The following BTRC variants were observed in gnomAD, a reference collection of about 807,000 sequenced individuals.
BTRC encodes F-box/WD repeat-containing protein 1A.
In BTRC, 42 loss-of-function variants were observed where a neutral mutation model predicts 85.5. The observed-to-expected ratio is 0.49, with a 90% CI of 0.38 to 0.64. The LOEUF (loss-of-function observed/expected upper bound fraction) is 0.64. Ranked by LOEUF, BTRC falls within the 30% of genes least tolerant of loss-of-function variation. BTRC has a pLI of 0.00. For synonymous variants in BTRC, 255 were observed against 263.3 expected, an observed-to-expected ratio of 0.97 and a Z score of 0.30; for missense variants, 594 against 743.5, an observed-to-expected ratio of 0.80 and a Z score of 2.34.
intron 1 of BTRC, among the ~76,000 whole-genome samples, chr10:101,360,593 ACTC>A (rs1302567946): frequency 6.7e-6 from 1 of 149,002 alleles, no homozygotes; most frequent in Non-Finnish European, 1.5e-5. Context: ...CTATTCTTGA[ACTC>A]CTGACCTCAG....
intron 1 of BTRC, among the ~76,000 whole-genome samples, chr10:101,385,087 G>A (rs1039319208): frequency 6.6e-6 from 1 of 151,912 alleles, no homozygotes; most frequent in African/African-American, 2.4e-5. Context: ...AACAAAATTA[G>A]CGTGGCATGG....
intron 4 of BTRC, among the ~76,000 whole-genome samples, chr10:101,509,520 C>T (rs1260712415): frequency 2.7e-5 from 4 of 148,468 alleles, no homozygotes; most frequent in African/African-American, 9.9e-5. Context: ...TCCCAAAGTG[C>T]TGGGATTACA....
intron 7 of BTRC, among the ~76,000 whole-genome samples, chr10:101,531,616 G>T (rs1332837259): frequency 1.3e-5 from 2 of 152,100 alleles, no homozygotes; most frequent in East Asian, 3.9e-4. Context: ...AGCTACTCAG[G>T]AGGCTGAGAT....
intron 4 of BTRC, among the ~76,000 whole-genome samples, chr10:101,503,979 G>A (rs1946454565): frequency 6.6e-6 from 1 of 152,142 alleles, no homozygotes; most frequent in South Asian, 2.1e-4. Flanking sequence ...TGTTTTACAT[G>A]TGCCTCTGTG....
intron 3 of BTRC, among the ~76,000 whole-genome samples, chr10:101,478,484 T>C (rs1462808748): frequency 6.6e-6 from 1 of 151,930 alleles, no homozygotes; most frequent in Non-Finnish European, 1.5e-5. Context: ...TTTTTTCATT[T>C]ATTGTTCTGA....
intron 4 of BTRC, among the ~76,000 whole-genome samples, chr10:101,486,652 T>C (rs1387345762): frequency 6.6e-6 from 1 of 152,200 alleles, no homozygotes; most frequent in African/African-American, 2.4e-5. Flanking sequence ...TACCTTCATC[T>C]CCAGCCCCCT....
intron 3 of BTRC, among the ~76,000 whole-genome samples, chr10:101,467,622 G>T (rs1431517369): frequency 6.6e-6 from 1 of 151,826 alleles, no homozygotes; most frequent in Non-Finnish European, 1.5e-5. Context: ...TGTGTGGTTG[G>T]TTGTTGTTGG....
intron 1 of BTRC, among the ~76,000 whole-genome samples, chr10:101,387,528 CTTTTTTTTTTTT>C (rs535656002): frequency 6.7e-5 from 3 of 45,092 alleles, no homozygotes; most frequent in South Asian, 1.2e-3. Flanking sequence ...CTTCATGGGA[CTTTTTTTTTTTT>C]TTTTTTGAGA....
rs114766664 is a variant in BTRC, at chr10:101,544,851, A to G, written c.1657-5848A>G. Among the ~76,000 whole-genome samples, 1,407 of 152,194 alleles carry G rather than the reference A, an allele frequency of 9.2e-3. 26 individuals are homozygous for G. The highest frequency in any genetic ancestry group is 0.032 in the African/African-American group (1,326 of 41,518). On this transcript the variant is annotated intron_variant, in intron 13 of 14. Transcript: ENST00000370187. Reference sequence around the variant, plus strand: ...AGGCGGTGGATTGCTTGAACTCAGGAGTTCAAGACCAGCCTGGCAACATGG... The same window carrying G: ...AGGCGGTGGATTGCTTGAACTCAGGGGTTCAAGACCAGCCTGGCAACATGG...
At chr10:101,430,193 A>G (rs890644824) in intron 1 of BTRC, 152 bp from the exon 2 acceptor site, 2 of 503,142 alleles carry the variant, frequency 4.0e-6, no homozygotes, top group African/African-American at 4.0e-5. Context: ...CTCTGGGGTT[A>G]AAGCCAGTAA....
At chr10:101,438,422 CAAAAAAA>C (rs34955428) in intron 2 of BTRC, among the ~76,000 whole-genome samples, 1,105 of 57,720 alleles carry the variant, frequency 0.019, 12 homozygotes, top group African/African-American at 0.075. Context: ...GAGACTGCCT[CAAAAAAA>C]AAAAAAAAAA....
chr10:101,446,938 T>C (rs752778296), intron 2 of BTRC, among the ~76,000 whole-genome samples: 2 of 151,394 alleles, frequency 1.3e-5, no homozygotes, highest in African/African-American at 2.4e-5. Context: ...GGATACAAGA[T>C]TGATTTTTTT....
intron 8 of BTRC, 51 bp downstream of exon 8, chr10:101,532,483 C>A: frequency 6.5e-7 from 1 of 1,538,358 alleles, no homozygotes; most frequent in South Asian, 1.3e-5. Context: ...AGAGTGACCA[C>A]ATTCATAGCG....
chr10:101,465,091 ATTTTGTTTTTTTGT>A (rs1332214996), intron 3 of BTRC, among the ~76,000 whole-genome samples: 4 of 151,912 alleles, frequency 2.6e-5, no homozygotes, highest in African/African-American at 7.3e-5. Flanking sequence ...GCCATTTGCT[ATTTTGTTTTTTTGT>A]TTTTGTTTTG....
chr10:101,534,608 TA>T, intron 9 of BTRC, 52 bp from the exon 10 acceptor site: 3 of 1,606,438 alleles, frequency 1.9e-6, no homozygotes, highest in Non-Finnish European at 2.6e-6. Flanking sequence ...TGGTCAAATA[TA>T]GGTAACAGAT....
intron 3 of BTRC, among the ~76,000 whole-genome samples, chr10:101,478,317 G>A (rs1392178982): frequency 6.6e-6 from 1 of 151,158 alleles, no homozygotes; most frequent in Non-Finnish European, 1.5e-5. Context: ...AAAAAAAATA[G>A]GTAAGTGTTG....
intron 1 of BTRC, among the ~76,000 whole-genome samples, chr10:101,372,816 T>C (rs1317004264): frequency 1.3e-5 from 2 of 151,892 alleles, no homozygotes; most frequent in African/African-American, 4.8e-5. Flanking sequence ...TGTGTGATCA[T>C]GCCACTGCAC....
chr10:101,402,156 A>G (rs1435178252), intron 1 of BTRC, among the ~76,000 whole-genome samples: 2 of 152,212 alleles, frequency 1.3e-5, no homozygotes, highest in African/African-American at 4.8e-5. Flanking sequence ...TCACAGGTAC[A>G]CAGCTACTTC....
intron 1 of BTRC, among the ~76,000 whole-genome samples, chr10:101,376,405 G>C (rs998462651): frequency 1.2e-4 from 18 of 152,318 alleles, no homozygotes; most frequent in African/African-American, 3.6e-4. Context: ...CAACTAGTTG[G>C]TAGTAAGTTG....
Sources: allele counts gnomAD v4.1 joint callset (sites outside exome capture counted in the v4.1 genomes callset), GRCh38; gene constraint gnomAD v4.1.1; transcripts MANE v1.5; gene names NCBI Gene and HGNC (gene_info 2026-07-23, HGNC 2026-07-21).